Variants in CEP112 observed in about 807,000 individuals in gnomAD.
The protein encoded by CEP112 is centrosomal protein 112.
In CEP112, 127 loss-of-function variants were observed where a neutral mutation model predicts 153.0. That is an observed-to-expected ratio of 0.83 (90% confidence interval 0.72 to 0.96). The LOEUF is 0.96. CEP112 is among the 40% of genes least tolerant of loss of function. The probability of loss-of-function intolerance (pLI) is 0.00; values close to 1 mark genes in which losing one functional copy is unlikely to be tolerated. For missense variants in CEP112, 1,089 were observed against 1,101.2 expected, an observed-to-expected ratio of 0.99 and a Z score of 0.16; for synonymous variants, 358 against 374.4, an observed-to-expected ratio of 0.96 and a Z score of 0.51.
intron 23 of CEP112, among the ~76,000 whole-genome samples, chr17:65,714,983 C>T (rs2049416971): frequency 6.6e-6 from 1 of 151,956 alleles, no homozygotes; most frequent in Non-Finnish European, 1.5e-5. Context: ...GGTAATACTA[C>T]AAGCAGCAGG....
chr17:66,147,512 T>C (rs990496115), intron 4 of CEP112, among the ~76,000 whole-genome samples: 1 of 152,186 alleles, frequency 6.6e-6, no homozygotes, highest in Non-Finnish European at 1.5e-5. Context: ...TAGTTTTTAA[T>C]TTTGATGTAG....
chr17:65,896,487 G>A (rs1568186963), intron 20 of CEP112, among the ~76,000 whole-genome samples: 3 of 151,850 alleles, frequency 2.0e-5, no homozygotes, highest in Admixed American at 1.3e-4. Flanking sequence ...TATATTTTCT[G>A]CTAACTAAAT....
At chr17:66,105,238 A>C (rs1568494708) in intron 6 of CEP112, among the ~76,000 whole-genome samples, 1 of 152,192 alleles carries the variant, frequency 6.6e-6, no homozygotes, top group African/African-American at 2.4e-5. Flanking sequence ...GCGTTAAATT[A>C]CATGCACATT....
chr17:66,189,541 A>G (rs2073083345), intron 1 of CEP112, among the ~76,000 whole-genome samples: 1 of 152,058 alleles, frequency 6.6e-6, no homozygotes, highest in East Asian at 1.9e-4. Flanking sequence ...GTAGAAAGGC[A>G]ATTGGAATTG....
At chr17:65,664,511 G>A (rs942909459) in intron 24 of CEP112, among the ~76,000 whole-genome samples, 1 of 152,198 alleles carries the variant, frequency 6.6e-6, no homozygotes. Context: ...ACGCAGCTAG[G>A]AAGAGACCAT....
intron 6 of CEP112, among the ~76,000 whole-genome samples, chr17:66,110,338 AAAAAAAAAAG>A (rs1036209472): frequency 5.3e-4 from 80 of 149,834 alleles, no homozygotes; most frequent in African/African-American, 1.6e-3. Flanking sequence ...CTCAAAAAAG[AAAAAAAAAAG>A]AAAAAAAAAG....
intron 23 of CEP112, among the ~76,000 whole-genome samples, chr17:65,733,554 C>A (rs755486928): frequency 6.6e-6 from 1 of 152,016 alleles, no homozygotes; most frequent in African/African-American, 2.4e-5. Flanking sequence ...ACAAGGCGCA[C>A]GATATTTTTT....
intron 22 of CEP112, among the ~76,000 whole-genome samples, chr17:65,743,573 GC>G: frequency 6.6e-6 from 1 of 152,086 alleles, no homozygotes; most frequent in East Asian, 1.9e-4. Context: ...AAGCTATTCT[GC>G]TTTTCATAAT....
At chr17:66,128,896 GA>G (rs2069991105) in intron 6 of CEP112, among the ~76,000 whole-genome samples, 3 of 151,930 alleles carry the variant, frequency 2.0e-5, no homozygotes, top group Non-Finnish European at 2.9e-5. Context: ...AAAACACACA[GA>G]AAAAAGGGAG....
chr17:66,104,902 G>T (rs2068718210), intron 6 of CEP112, among the ~76,000 whole-genome samples: 2 of 152,060 alleles, frequency 1.3e-5, no homozygotes, highest in South Asian at 4.1e-4. Flanking sequence ...TGATCCGAAA[G>T]GAAAGGACAT....
At chr17:66,044,512 T>C (rs1478229161) in intron 12 of CEP112, among the ~76,000 whole-genome samples, 5 of 152,116 alleles carry the variant, frequency 3.3e-5, no homozygotes, top group Non-Finnish European at 7.4e-5. Flanking sequence ...GGTATATGCA[T>C]AGAGTGGAAT....
chr17:65,656,933 T>G (rs2046091993), intron 24 of CEP112, among the ~76,000 whole-genome samples: 1 of 152,186 alleles, frequency 6.6e-6, no homozygotes, highest in Admixed American at 6.5e-5. Flanking sequence ...TCACACATGC[T>G]CTCCCTAAAG....
chr17:66,078,291 A>T (rs1273352261), intron 8 of CEP112, among the ~76,000 whole-genome samples: 1 of 132,524 alleles, frequency 7.5e-6, no homozygotes, highest in Admixed American at 8.0e-5. Flanking sequence ...ACGGAGTCTC[A>T]CTCTGTTCCC....
intron 21 of CEP112, among the ~76,000 whole-genome samples, chr17:65,766,874 T>C (rs2053015498): frequency 7.5e-6 from 1 of 132,840 alleles, no homozygotes; most frequent in Non-Finnish European, 1.6e-5. Flanking sequence ...CACTAGACAT[T>C]AGCCATTAGA....
At chr17:65,980,768 T>A (rs2063198335) in intron 17 of CEP112, among the ~76,000 whole-genome samples, 1 of 152,072 alleles carries the variant, frequency 6.6e-6, no homozygotes, top group African/African-American at 2.4e-5. Flanking sequence ...CTGGCTCATC[T>A]TCTCAGCTTT....
chr17:65,635,713 G>A lies in CEP112; in HGVS notation c.*258C>T, dbSNP rs1762429875. 9 of 498,532 alleles carry A rather than the reference G, an allele frequency of 1.8e-5. No homozygotes were observed. The highest frequency in any genetic ancestry group is 2.5e-5 in the Non-Finnish European group (7 of 285,496). 30.9% of individuals were successfully genotyped at this position (498,532 alleles called of 1,614,324 possible). A position where few individuals can be genotyped will look rare whatever the true frequency, so the allele number is the denominator to read the frequency against. ...TAGGAAATCACTTTGCCCAATATAA[G>A]CAGTTCTCAGCACATACTCAAATGC... On this transcript the variant is annotated 3_prime_UTR_variant, in exon 27 of 27. Transcript: ENST00000535342.
intron 24 of CEP112, among the ~76,000 whole-genome samples, chr17:65,687,219 C>T (rs573716858): frequency 2.2e-5 from 3 of 133,754 alleles, no homozygotes; most frequent in East Asian, 2.2e-4. Context: ...TAGGCTGGAG[C>T]GCAGTGGCGT....
chr17:66,085,726 C>T (rs1369691352), intron 8 of CEP112, among the ~76,000 whole-genome samples: 1 of 152,082 alleles, frequency 6.6e-6, no homozygotes, highest in Non-Finnish European at 1.5e-5. Context: ...CGCCTGTAAT[C>T]CCAGCACTTT....
intron 12 of CEP112, among the ~76,000 whole-genome samples, chr17:66,050,563 T>C (rs1038940098): frequency 6.6e-6 from 1 of 152,240 alleles, no homozygotes; most frequent in African/African-American, 2.4e-5. Flanking sequence ...TCATTTTTTA[T>C]TTTATTATTT....
Sources: gnomAD v4.1 joint callset for allele counts (sites outside exome capture counted in the v4.1 genomes callset) on GRCh38, gnomAD v4.1.1 for gene constraint, MANE v1.5 for transcripts, NCBI Gene and HGNC (gene_info 2026-07-23, HGNC 2026-07-21) for gene names.